Variants in ZNF644 observed in about 807,000 individuals in gnomAD.
ZNF644 encodes the protein zinc finger motif enhancer binding protein 2.
A neutral mutation model predicts 108.0 loss-of-function variants in ZNF644; 20 were observed. The observed-to-expected ratio is 0.19, with a 90% CI of 0.13 to 0.27. ZNF644 has a LOEUF of 0.27. Among genes scored for constraint, ZNF644 ranks in the 10% least tolerant of loss-of-function variants. The pLI is 1.00. For synonymous variants in ZNF644, 542 were observed against 539.1 expected (o/e 1.01, Z -0.08); for missense variants, 1,338 against 1,548.9 (o/e 0.86, Z 2.29).
intron 2 of ZNF644, among the ~76,000 whole-genome samples, chr1:90,941,747 A>G (rs1652018440): frequency 6.6e-6 from 1 of 152,200 alleles, no homozygotes; most frequent in African/African-American, 2.4e-5. Context: ...TCTATTCTAG[A>G]GAACAATATA....
chr1:90,981,967 C>T (rs1656594097), intron 2 of ZNF644, among the ~76,000 whole-genome samples: 1 of 152,056 alleles, frequency 6.6e-6, no homozygotes, highest in Non-Finnish European at 1.5e-5. Flanking sequence ...TGAAGTGACA[C>T]AATAAATGTC....
intron 2 of ZNF644, among the ~76,000 whole-genome samples, chr1:90,958,874 C>T (rs1654028209): frequency 6.6e-6 from 1 of 152,140 alleles, no homozygotes; most frequent in South Asian, 2.1e-4. Flanking sequence ...TCTCAGAAGG[C>T]ATGGGTTGGA....
Position 90,941,101 on chromosome 1 carries a change from T to C in ZNF644, c.253A>G (p.Asn85Asp). ...PEELSKDKSE[N>D]ALSGGQSSLF... ...CTAGACTGGCCTCCACTTAAGGCGTTTTCAGATTTGTCCTTTGACAGTTCT... is the reference window on the plus strand; with the variant it reads ...CTAGACTGGCCTCCACTTAAGGCGTCTTCAGATTTGTCCTTTGACAGTTCT... The change falls in exon 3 of 6, where the codon AAC (asparagine) becomes GAC (aspartate). Residue 85 changes from asparagine (N) to aspartate (D), a missense_variant. Physicochemically the swap from Asn to Asp is conservative, Grantham distance 23. Coordinates refer to ENST00000337393, the MANE Select transcript of ZNF644 (RefSeq NM_201269.3). The C allele has an allele frequency of 6.2e-7, 1 of 1,614,122 alleles. No individual in the cohort carries two copies. Among genetic ancestry groups the C allele is most frequent in the South Asian group, 1.1e-5 (1 of 91,080 alleles).
At chr1:90,922,677 C>T (rs1179877838) in intron 4 of ZNF644, among the ~76,000 whole-genome samples, 1 of 152,030 alleles carries the variant, frequency 6.6e-6, no homozygotes, top group Non-Finnish European at 1.5e-5. Flanking sequence ...CAGACTATTT[C>T]ATCACCCAGG....
At chr1:91,018,726 C>T (rs1045897321) in intron 1 of ZNF644, among the ~76,000 whole-genome samples, 1 of 152,086 alleles carries the variant, frequency 6.6e-6, no homozygotes, top group African/African-American at 2.4e-5. Context: ...CACTAAAAAA[C>T]AATATTTAGG....
At chr1:90,945,800 T>G (rs887345916) in intron 2 of ZNF644, among the ~76,000 whole-genome samples, 50 of 152,216 alleles carry the variant, frequency 3.3e-4, no homozygotes, top group African/African-American at 1.2e-3. Context: ...CATTATTAAT[T>G]GTATTTATTG....
At chr1:90,990,615 A>G (rs762424172) in intron 1 of ZNF644, among the ~76,000 whole-genome samples, 1 of 152,190 alleles carries the variant, frequency 6.6e-6, no homozygotes, top group African/African-American at 2.4e-5. Context: ...AGAAGTCATG[A>G]GGGCAGAGTA....
intron 1 of ZNF644, among the ~76,000 whole-genome samples, chr1:91,010,849 G>C (rs1239302655): frequency 6.6e-6 from 1 of 151,912 alleles, no homozygotes; most frequent in East Asian, 1.9e-4. Flanking sequence ...GAAAATTGGG[G>C]GAAATACAAC....
intron 1 of ZNF644, among the ~76,000 whole-genome samples, chr1:90,996,110 T>C (rs1658120369): frequency 6.6e-6 from 1 of 152,144 alleles, no homozygotes; most frequent in Non-Finnish European, 1.5e-5. Flanking sequence ...TCAGTCACAT[T>C]TGGAATCAGG....
At chr1:90,949,441 T>C (rs1449728180) in intron 2 of ZNF644, among the ~76,000 whole-genome samples, 4 of 152,050 alleles carry the variant, frequency 2.6e-5, no homozygotes, top group Non-Finnish European at 5.9e-5. Context: ...GTATCTTAAT[T>C]TAGGATGGTA....
chr1:90,961,330 AAC>A (rs1654324542), intron 2 of ZNF644, among the ~76,000 whole-genome samples: 1 of 152,216 alleles, frequency 6.6e-6, no homozygotes, highest in Admixed American at 6.5e-5. Context: ...TTAATTTATT[AAC>A]AGTTTGATTA....
At chr1:90,928,475 G>A (rs1471748724) in intron 4 of ZNF644, among the ~76,000 whole-genome samples, 2 of 151,630 alleles carry the variant, frequency 1.3e-5, no homozygotes, top group Non-Finnish European at 2.9e-5. Context: ...ATACCACCAC[G>A]CCTGGCTAGT....
chr1:90,985,995 T>C (rs906418979), intron 1 of ZNF644, among the ~76,000 whole-genome samples: 11 of 152,084 alleles, frequency 7.2e-5, no homozygotes, highest in African/African-American at 2.7e-4. Flanking sequence ...AGCAAATAAA[T>C]TTTTTTAAAA....
intron 1 of ZNF644, among the ~76,000 whole-genome samples, chr1:90,995,388 G>A (rs371384815): frequency 1.8e-4 from 27 of 152,198 alleles, no homozygotes; most frequent in African/African-American, 6.5e-4. Flanking sequence ...CATATCCTAA[G>A]AGACCAGTAG....
Position 90,979,241 on chromosome 1 carries a change from G to A in ZNF644, c.44+3069C>T, listed in dbSNP as rs562888082. Among the ~76,000 whole-genome samples, 3 of 152,304 alleles carry A rather than the reference G, an allele frequency of 2.0e-5. No homozygotes were observed. The East Asian group carries it at 5.8e-4, about 29-fold the overall frequency. ...AATCCCAGCACTTCGGAAGGCTAAG[G>A]AGGGTGGGTCACCTGAGGTCAGGAG... On this transcript the variant is annotated intron_variant, in intron 2 of 5. Transcript: ENST00000337393.
intron 2 of ZNF644, among the ~76,000 whole-genome samples, chr1:90,967,579 TAATG>T (rs1655043855): frequency 6.6e-6 from 1 of 152,186 alleles, no homozygotes; most frequent in Non-Finnish European, 1.5e-5. Flanking sequence ...GTAGTCAACC[TAATG>T]AAGGAACACA....
At chr1:91,020,866 TAAC>T (rs1660843836) in intron 1 of ZNF644, 2 of 152,240 alleles carry the variant, frequency 1.3e-5, no homozygotes, top group African/African-American at 4.8e-5. Context: ...TTGAAATTAT[TAAC>T]AAGACAAGAC....
intron 1 of ZNF644, among the ~76,000 whole-genome samples, chr1:90,999,880 T>A (rs1658583833): frequency 6.6e-6 from 1 of 151,914 alleles, no homozygotes; most frequent in Non-Finnish European, 1.5e-5. Context: ...AAGGCAGGGG[T>A]TGCAATCCTA....
At chr1:90,926,060 C>G (rs1649999125) in intron 4 of ZNF644, among the ~76,000 whole-genome samples, 1 of 152,080 alleles carries the variant, frequency 6.6e-6, no homozygotes, top group Non-Finnish European at 1.5e-5. Flanking sequence ...TTTCAAAAGA[C>G]TTGCTCCCCA....
Sources: gnomAD v4.1 joint callset for allele counts (sites outside exome capture counted in the v4.1 genomes callset) on GRCh38, gnomAD v4.1.1 for gene constraint, MANE v1.5 for transcripts, NCBI Gene and HGNC (gene_info 2026-07-23, HGNC 2026-07-21) for gene names.